TSHZ2: variants seen among roughly 807,000 people sequenced by gnomAD.
TSHZ2 encodes the protein teashirt zinc finger homeobox 2, also known as teashirt homolog 2.
In TSHZ2, 21 loss-of-function variants were observed where a neutral mutation model predicts 74.4. The ratio of observed to expected loss-of-function variants is 0.28; its 90% CI spans 0.20 to 0.41. The LOEUF (loss-of-function observed/expected upper bound fraction) is 0.41, where lower values mean the gene tolerates loss of function less well. Among genes scored for constraint, TSHZ2 ranks in the 10% least tolerant of loss-of-function variants. The pLI is 1.00. For missense variants in TSHZ2, 1,244 were observed against 1,293.5 expected, an observed-to-expected ratio of 0.96 and a Z score of 0.59; for synonymous variants, 540 against 515.3, an observed-to-expected ratio of 1.05 and a Z score of -0.65.
intron 1 of TSHZ2, among the ~76,000 whole-genome samples, chr20:53,107,940 G>A (rs1252815329): frequency 6.6e-6 from 1 of 152,228 alleles, no homozygotes; most frequent in Non-Finnish European, 1.5e-5. Context: ...GGCAGGTCCT[G>A]CACTTCTTAC....
chr20:53,242,092 G>A (rs889792653), intron 1 of TSHZ2, among the ~76,000 whole-genome samples: 9 of 151,676 alleles, frequency 5.9e-5, no homozygotes, highest in Non-Finnish European at 1.2e-4. Context: ...CTTACTTGTC[G>A]TCAATTCCCA....
rs1377346458 is a variant in TSHZ2 at position 53,417,722 on chromosome 20, T to C, written c.*9-69422T>C. Among the ~76,000 whole-genome samples, 4 of 152,244 alleles carry C rather than the reference T, an allele frequency of 2.6e-5. No individual in the cohort carries two copies. In the South Asian group the frequency reaches 6.2e-4, roughly 24 times the overall value. On this transcript the variant is annotated intron_variant, in intron 2 of 2. Coordinates refer to ENST00000371497, the MANE Select transcript of TSHZ2 (RefSeq NM_173485.6). ...GATGTCTAACCTAATTCCTGCTTGC[T>C]GCATTTGCTTCTCTTTTTTTTCTTA...
intron 2 of TSHZ2, among the ~76,000 whole-genome samples, chr20:53,345,445 C>T (rs768435480): frequency 5.9e-5 from 9 of 151,900 alleles, no homozygotes; most frequent in Non-Finnish European, 1.0e-4. Context: ...CAGTGTAGAC[C>T]GCCATAGGAA....
chr20:53,219,252 A>C (rs1262715576), intron 1 of TSHZ2, among the ~76,000 whole-genome samples: 1 of 152,096 alleles, frequency 6.6e-6, no homozygotes, highest in African/African-American at 2.4e-5. Context: ...TCTATGGCCC[A>C]CCCCTGGCTT....
intron 2 of TSHZ2, among the ~76,000 whole-genome samples, chr20:53,264,500 C>T (rs6126802): frequency 0.031 from 4,768 of 152,290 alleles, 217 homozygotes; most frequent in East Asian, 0.25. Context: ...ACATGTGTAA[C>T]GGTGCCTTGG....
chr20:53,317,791 G>T (rs547144119), intron 2 of TSHZ2, among the ~76,000 whole-genome samples: 1 of 152,260 alleles, frequency 6.6e-6, no homozygotes, highest in African/African-American at 2.4e-5. Flanking sequence ...CCCTCTTTTT[G>T]CACACACAGC....
intron 2 of TSHZ2, among the ~76,000 whole-genome samples, chr20:53,361,570 T>C (rs1981054658): frequency 6.6e-6 from 1 of 152,228 alleles, no homozygotes; most frequent in East Asian, 1.9e-4. Flanking sequence ...GAGTCACTCT[T>C]GAGGCCTTCC....
intron 2 of TSHZ2, among the ~76,000 whole-genome samples, chr20:53,388,124 A>G (rs1232912570): frequency 2.0e-4 from 30 of 152,128 alleles, no homozygotes; most frequent in Non-Finnish European, 1.0e-4. Context: ...AAACTGACGC[A>G]GGAGATTCCC....
intron 2 of TSHZ2, among the ~76,000 whole-genome samples, chr20:53,429,818 C>A (rs901785466): frequency 1.4e-5 from 2 of 143,976 alleles, no homozygotes; most frequent in African/African-American, 5.8e-5. Context: ...AAAGCATATT[C>A]AATTGTGTGT....
At chr20:53,158,986 A>G (rs548241189) in intron 1 of TSHZ2, among the ~76,000 whole-genome samples, 1 of 152,328 alleles carries the variant, frequency 6.6e-6, no homozygotes, top group South Asian at 2.1e-4. Flanking sequence ...TTTCATAACT[A>G]TACAGGGAAA....
At chr20:53,289,872 CTATTAAT>C (rs1991248345) in intron 2 of TSHZ2, among the ~76,000 whole-genome samples, 1 of 152,138 alleles carries the variant, frequency 6.6e-6, no homozygotes, top group Admixed American at 6.5e-5. Context: ...GTGCAAAAGA[CTATTAAT>C]TATAGCCAGG....
At chr20:53,168,811 C>G (rs192169997) in intron 1 of TSHZ2, 2 of 152,266 alleles carry the variant, frequency 1.3e-5, no homozygotes, top group Admixed American at 1.3e-4. Flanking sequence ...TCACTTCTTC[C>G]CTCATCCCAT....
intron 2 of TSHZ2, among the ~76,000 whole-genome samples, chr20:53,438,559 C>G (rs1466797720): frequency 6.6e-6 from 1 of 152,206 alleles, no homozygotes; most frequent in East Asian, 1.9e-4. Context: ...ATAGAACATG[C>G]TGATTGGCCA....
rs569576088 is a variant in TSHZ2 at position 53,260,746 on chromosome 20, A to G, written c.*8+4175A>G. Reference sequence around the variant, plus strand: ...TATGTAATTATTTTCCTTAAAGCCCATAGTAGGTTTACAAGAAAGCACATA... The same window carrying G: ...TATGTAATTATTTTCCTTAAAGCCCGTAGTAGGTTTACAAGAAAGCACATA... On this transcript the variant is annotated intron_variant, in intron 2 of 2. Coordinates refer to ENST00000371497, the MANE Select transcript of TSHZ2 (RefSeq NM_173485.6). 2.6e-5 allele frequency among the ~76,000 whole-genome samples: 4 copies of G among 152,342 alleles called. No homozygotes were observed. In the South Asian group the frequency reaches 6.2e-4, roughly 24 times the overall value.
intron 2 of TSHZ2, among the ~76,000 whole-genome samples, chr20:53,355,040 T>C (rs1980793881): frequency 6.6e-6 from 1 of 152,224 alleles, no homozygotes; most frequent in African/African-American, 2.4e-5. Context: ...AGAATATGTA[T>C]TCATTTATTC....
In TSHZ2 at chr20:53,466,287, G is replaced by GA. The variant is rs575680303; in HGVS notation, c.*9-20845dup. 3.0e-3 allele frequency among the ~76,000 whole-genome samples: 431 copies of GA among 143,652 alleles called. 2 individuals carry two copies. Among genetic ancestry groups the GA allele is most frequent in the Middle Eastern group, 3.6e-3 (1 of 276 alleles). 94.2% of individuals were successfully genotyped at this position (143,652 alleles called of 152,430 possible). A position where few individuals can be genotyped will look rare whatever the true frequency, so the allele number is the denominator to read the frequency against. On this transcript the variant is annotated intron_variant, in intron 2 of 2. Transcript: ENST00000371497. Reference sequence around the variant, plus strand: ...AAAAAAAAAAAAGAAAGAGAAAAAGGAAAAAAAAAAAAGTCTACCTTGTTT... The same window carrying GA: ...AAAAAAAAAAAAGAAAGAGAAAAAGGAAAAAAAAAAAAAGTCTACCTTGTTT...
At chr20:53,185,129 C>G (rs1294190469) in intron 1 of TSHZ2, among the ~76,000 whole-genome samples, 1 of 152,096 alleles carries the variant, frequency 6.6e-6, no homozygotes. Context: ...AATCTTTCAT[C>G]TTTTTATGAC....
At chr20:53,153,720 G>A (rs1322541844) in intron 1 of TSHZ2, among the ~76,000 whole-genome samples, 4 of 152,062 alleles carry the variant, frequency 2.6e-5, no homozygotes, top group African/African-American at 9.7e-5. Context: ...TGTCCAGTTT[G>A]CCCAACTGGA....
At chr20:53,426,648 C>G (rs1458961170) in intron 2 of TSHZ2, among the ~76,000 whole-genome samples, 4 of 152,134 alleles carry the variant, frequency 2.6e-5, no homozygotes, top group Non-Finnish European at 5.9e-5. Context: ...TCTGCCCAGC[C>G]TGGGTACTGC....
Sources: allele counts gnomAD v4.1 joint callset (sites outside exome capture counted in the v4.1 genomes callset), GRCh38; gene constraint gnomAD v4.1.1; transcripts MANE v1.5; gene names NCBI Gene and HGNC (gene_info 2026-07-23, HGNC 2026-07-21).